The following NRXN1 variants were observed in gnomAD, a reference collection of about 807,000 sequenced individuals.
The protein encoded by NRXN1 is neurexin-1.
In NRXN1, 39 loss-of-function variants were observed where a neutral mutation model predicts 150.9. The observed-to-expected ratio is 0.26, with a 90% CI of 0.20 to 0.34. The LOEUF is 0.34. Ranked by LOEUF, NRXN1 falls within the 10% of genes least tolerant of loss-of-function variation. The probability of loss-of-function intolerance (pLI) is 1.00; values close to 1 mark genes in which losing one functional copy is unlikely to be tolerated. For missense variants in NRXN1, 1,815 were observed against 1,949.9 expected (o/e 0.93, Z 1.30); for synonymous variants, 924 against 757.0 (o/e 1.22, Z -3.62).
chr2:50,434,945 T>C (rs1339021343), intron 17 of NRXN1, among the ~76,000 whole-genome samples: 1 of 152,220 alleles, frequency 6.6e-6, no homozygotes, highest in Non-Finnish European at 1.5e-5. Context: ...AAGATTAAAT[T>C]ATCTGCTGTC....
intron 19 of NRXN1, among the ~76,000 whole-genome samples, chr2:50,062,421 G>A (rs1435805245): frequency 2.0e-5 from 3 of 152,108 alleles, no homozygotes; most frequent in Non-Finnish European, 4.4e-5. Context: ...GTACTTCCTA[G>A]TCTTCCGAAT....
chr2:50,540,941 C>T (rs752607222), intron 9 of NRXN1, among the ~76,000 whole-genome samples: 28 of 152,016 alleles, frequency 1.8e-4, no homozygotes, highest in African/African-American at 4.6e-4. Context: ...GGATTACAGG[C>T]GTGAGCCACC....
chr2:50,220,871 C>A (rs2063830411), intron 18 of NRXN1, among the ~76,000 whole-genome samples: 1 of 151,952 alleles, frequency 6.6e-6, no homozygotes, highest in Non-Finnish European at 1.5e-5. Flanking sequence ...ACTCTGCTGA[C>A]AAAAGTTATT....
chr2:50,497,269 T>A, intron 14 of NRXN1, 64 bp downstream of exon 14: 1 of 1,296,338 alleles, frequency 7.7e-7, no homozygotes, highest in Non-Finnish European at 1.0e-6. Context: ...GTGTATATTT[T>A]TGGAAATTGA....
chr2:50,908,951 A>G (rs1161524960), intron 5 of NRXN1, among the ~76,000 whole-genome samples: 2 of 152,094 alleles, frequency 1.3e-5, no homozygotes, highest in African/African-American at 4.8e-5. Context: ...CCCAGCCTGC[A>G]GAACTATAAG....
intron 8 of NRXN1, among the ~76,000 whole-genome samples, chr2:50,595,378 G>A (rs1675003985): frequency 6.6e-6 from 1 of 150,878 alleles, no homozygotes; most frequent in Non-Finnish European, 1.5e-5. Context: ...AGTGGGGCAT[G>A]CTCCAAATCC....
At chr2:50,411,174 G>A (rs972085399) in intron 17 of NRXN1, among the ~76,000 whole-genome samples, 6 of 152,032 alleles carry the variant, frequency 3.9e-5, no homozygotes, top group South Asian at 2.1e-4. Context: ...TTGCAGGCGC[G>A]CGCCTCCACG....
In NRXN1 at chr2:51,000,631, A is replaced by G. The variant is rs1348858948; in HGVS notation, c.772+26871T>C. Reference sequence around the variant, plus strand: ...AGGGCTCATGATTGAGGATTAGATGACTAGCAGAGGATTTAAAAAGTGAAG... The same window carrying G: ...AGGGCTCATGATTGAGGATTAGATGGCTAGCAGAGGATTTAAAAAGTGAAG... On this transcript the variant is annotated intron_variant, in intron 2 of 22. Coordinates refer to ENST00000401669, the MANE Select transcript of NRXN1 (RefSeq NM_001330078.2). Among the ~76,000 whole-genome samples the G allele has an allele frequency of 2.6e-5, 4 of 152,010 alleles. No individual in the cohort carries two copies. In the East Asian group the frequency reaches 7.7e-4, roughly 29 times the overall value.
intron 19 of NRXN1, among the ~76,000 whole-genome samples, chr2:50,075,797 G>GA (rs11410198): frequency 0.71 from 106,844 of 149,554 alleles, 38,493 homozygotes; most frequent in African/African-American, 0.82. Context: ...GGTGACAAAG[G>GA]AAAAAAAAAA....
At chr2:50,392,818 G>C (rs2081813654) in intron 17 of NRXN1, among the ~76,000 whole-genome samples, 1 of 152,086 alleles carries the variant, frequency 6.6e-6, no homozygotes, top group African/African-American at 2.4e-5. Context: ...GGCCAAGGTA[G>C]TGTATTAAAA....
intron 2 of NRXN1, among the ~76,000 whole-genome samples, chr2:51,021,910 T>G (rs1476583181): frequency 6.6e-6 from 1 of 152,058 alleles, no homozygotes; most frequent in Non-Finnish European, 1.5e-5. Flanking sequence ...CTACATATAC[T>G]TTTGTGTTAA....
At chr2:50,147,547 G>T (rs1574165427) in intron 18 of NRXN1, among the ~76,000 whole-genome samples, 1 of 151,688 alleles carries the variant, frequency 6.6e-6, no homozygotes, top group Non-Finnish European at 1.5e-5. Context: ...TGCAGACGAG[G>T]TGATTCTTTG....
rs1416129031 is a variant in NRXN1 at position 49,920,187 on chromosome 2, A to ATGAT, written c.*1753_*1756dup. 1.3e-5 allele frequency: 2 copies of ATGAT among 152,204 alleles called. No individual in the cohort carries two copies. Among genetic ancestry groups the ATGAT allele is most frequent in the African/African-American group, 2.4e-5 (1 of 41,448 alleles). 9.4% of individuals were successfully genotyped at this position (152,204 alleles called of 1,614,324 possible). ...ATGTGTTAAACTAAAACTATATTTA[A>ATGAT]TGATATATATGTAAAACCAGAAAAG... is the stretch of plus-strand genomic sequence containing the variant. On this transcript the variant is annotated 3_prime_UTR_variant, in exon 23 of 23. Coordinates refer to ENST00000401669, the MANE Select transcript of NRXN1 (RefSeq NM_001330078.2).
At chr2:50,879,163 C>T (rs549010072) in intron 5 of NRXN1, among the ~76,000 whole-genome samples, 30 of 151,964 alleles carry the variant, frequency 2.0e-4, no homozygotes, top group Non-Finnish European at 3.7e-4. Flanking sequence ...ACAGGTTTCT[C>T]AGAAAGGAGG....
At chr2:50,484,269 A>AT (rs761599312) in intron 15 of NRXN1, among the ~76,000 whole-genome samples, 29 of 151,588 alleles carry the variant, frequency 1.9e-4, no homozygotes, top group South Asian at 8.4e-4. Context: ...ACATTTCTGT[A>AT]TTTTTTTTTC....
chr2:50,926,673 G>A (rs1351605351), intron 2 of NRXN1, among the ~76,000 whole-genome samples: 1 of 151,876 alleles, frequency 6.6e-6, no homozygotes, highest in Non-Finnish European at 1.5e-5. Flanking sequence ...TTGGTTTGTC[G>A]TGATTTAAAA....
At chr2:49,975,075 G>T (rs1678711192) in intron 21 of NRXN1, among the ~76,000 whole-genome samples, 1 of 150,634 alleles carries the variant, frequency 6.6e-6, no homozygotes, top group South Asian at 2.1e-4. Flanking sequence ...TCTTCAATGT[G>T]AGATGATTAT....
chr2:50,920,200 C>T (rs1363481939), intron 5 of NRXN1, among the ~76,000 whole-genome samples: 4 of 151,726 alleles, frequency 2.6e-5, no homozygotes, highest in African/African-American at 7.2e-5. Context: ...TTCCTGTCCT[C>T]TGTGTCTTTG....
chr2:50,501,992 G>T (rs1459205128), intron 13 of NRXN1, among the ~76,000 whole-genome samples: 1 of 152,104 alleles, frequency 6.6e-6, no homozygotes, highest in African/African-American at 2.4e-5. Context: ...TTTCTGACTT[G>T]CTGTAAAATT....
Sources: allele counts gnomAD v4.1 joint callset (sites outside exome capture counted in the v4.1 genomes callset), GRCh38; gene constraint gnomAD v4.1.1; transcripts MANE v1.5; gene names NCBI Gene and HGNC (gene_info 2026-07-23, HGNC 2026-07-21).